ACAD11: variants seen among roughly 807,000 people sequenced by gnomAD.
The protein encoded by ACAD11 is acyl-Coenzyme A dehydrogenase family, member 11.
A neutral mutation model predicts 102.2 loss-of-function variants in ACAD11; 83 were observed. The ratio of observed to expected loss-of-function variants is 0.81; its 90% CI spans 0.68 to 0.97. The LOEUF is 0.97. ACAD11 is among the 50% of genes least tolerant of loss of function. ACAD11 has a pLI of 0.00. For missense variants in ACAD11, 901 were observed against 951.7 expected, an observed-to-expected ratio of 0.95 and a Z score of 0.70; for synonymous variants, 324 against 319.8, an observed-to-expected ratio of 1.01 and a Z score of -0.14.
At chr3:132,626,861 A>G (rs1939837397) in intron 8 of ACAD11, 44 bp from the exon 9 acceptor site, 1 of 1,579,150 alleles carries the variant, frequency 6.3e-7, no homozygotes, top group South Asian at 1.2e-5. Flanking sequence ...AAAGATGTCC[A>G]AAGATCATTA....
In ACAD11 at chr3:132,603,276, C is replaced by T. The variant is rs776117943; in HGVS notation, c.1574G>A (p.Arg525Gln). ...GTTAATTACATAGCTATCTTCATCT[C>T]GTTGGATGCTGCATTCAATATTCGT... Reference protein sequence around the residue: ...DATNIECSIQRDEDSYVINGK... With the variant: ...DATNIECSIQQDEDSYVINGK... Residue 525 changes from arginine (R) to glutamine (Q), a missense_variant, in exon 13 of 20, where the codon CGA (arginine) becomes CAA (glutamine). Physicochemically the swap from Arg to Gln is conservative, Grantham distance 43. Coordinates refer to ENST00000264990, the MANE Select transcript of ACAD11 (RefSeq NM_032169.5). The T allele has an allele frequency of 3.2e-5, 51 of 1,613,922 alleles. No individual in the cohort carries two copies. The highest frequency in any genetic ancestry group is 5.3e-5 in the African/African-American group (4 of 74,910).
At chr3:132,582,772 C>T (rs1431967555) in intron 13 of ACAD11, among the ~76,000 whole-genome samples, 1 of 152,044 alleles carries the variant, frequency 6.6e-6, no homozygotes, top group Admixed American at 6.6e-5. Flanking sequence ...ACTCTGTTCA[C>T]CTCCAGGCTG....
Position 132,577,008 on chromosome 3 carries a change from A to T in ACAD11, c.1782T>A (p.Phe594Leu), listed in dbSNP as rs1384960502. ...AATGGATCTCAAAATGTCCTCCATG[A>T]AAATTATCTATAAAATAGAAAATAA... ...PLSVFGYTDN[F>L]HGGHFEIHFN... is the part of the protein sequence containing the mutation. Residue 594 changes from phenylalanine (F) to leucine (L), a missense_variant, in exon 16 of 20, where the codon TTT (phenylalanine) becomes TTA (leucine). Physicochemically the swap from Phe to Leu is conservative, Grantham distance 22. Transcript: ENST00000264990. 1 of 1,599,366 alleles carries T rather than the reference A, an allele frequency of 6.3e-7. No individual in the cohort carries two copies. The highest frequency in any genetic ancestry group is 1.1e-5 in the South Asian group (1 of 90,120).
At chr3:132,600,007 G>T (rs1228724095) in intron 13 of ACAD11, among the ~76,000 whole-genome samples, 1 of 152,096 alleles carries the variant, frequency 6.6e-6, no homozygotes, top group African/African-American at 2.4e-5. Context: ...AATTATGTAT[G>T]TAAAGATTAT....
At chr3:132,616,702 G>C (rs1037950531) in intron 11 of ACAD11, among the ~76,000 whole-genome samples, 2 of 152,072 alleles carry the variant, frequency 1.3e-5, no homozygotes, top group Non-Finnish European at 2.9e-5. Context: ...TAAACAAAAA[G>C]ACTACCCATT....
intron 4 of ACAD11, among the ~76,000 whole-genome samples, chr3:132,641,632 G>A (rs200920408): frequency 0.019 from 2,418 of 126,666 alleles, 94 homozygotes; most frequent in South Asian, 0.044. Flanking sequence ...AAGAAGAGGA[G>A]GAAGAAGAGG....
chr3:132,612,566 G>A (rs1235320575), intron 11 of ACAD11, among the ~76,000 whole-genome samples: 2 of 151,990 alleles, frequency 1.3e-5, no homozygotes, highest in Non-Finnish European at 2.9e-5. Flanking sequence ...GTGGGTGAAC[G>A]ATATGAACAG....
intron 5 of ACAD11, among the ~76,000 whole-genome samples, chr3:132,634,166 G>T (rs1364121731): frequency 6.6e-6 from 1 of 152,034 alleles, no homozygotes; most frequent in Non-Finnish European, 1.5e-5. Context: ...TCTGACAAAG[G>T]GCTAATATCC....
rs1940548960 is a variant in ACAD11 at position 132,642,095 on chromosome 3, G to C, written c.414C>G (p.Ser138Arg). 2 of 1,614,000 alleles carry C rather than the reference G, an allele frequency of 1.2e-6. No individual in the cohort carries two copies. Among genetic ancestry groups the C allele is most frequent in the Non-Finnish European group, 1.7e-6 (2 of 1,179,934 alleles). The change falls in exon 4 of 20, where the codon AGC (serine) becomes AGG (arginine). Residue 138 changes from serine (S) to arginine (R), a missense_variant. By Grantham distance (110) the Ser-to-Arg change is moderately radical. Transcript: ENST00000264990. ...CATATATGGCTGAACGTTCTGCTGG[G>C]CTAAGTCCAGGAATTGTTAAATCAC... is the stretch of plus-strand genomic sequence containing the variant. The part of the protein sequence containing the change: ...IFRDLTIPGL[S>R]PAERSAIYVA...
At chr3:132,629,852 T>C (rs1354747076) in intron 7 of ACAD11, among the ~76,000 whole-genome samples, 15 of 152,184 alleles carry the variant, frequency 9.9e-5, no homozygotes, top group African/African-American at 3.4e-4. Flanking sequence ...TGGATTAGTA[T>C]AAAGAAGAAG....
chr3:132,659,502 CAATCAGGGT>C, intron 1 of ACAD11, 92 bp downstream of exon 1: 1 of 1,536,036 alleles, frequency 6.5e-7, no homozygotes, highest in East Asian at 2.3e-5. Context: ...GCAGGAAAAG[CAATCAGGGT>C]GGGAGAAACT....
At chr3:132,606,483 C>G (rs1938842544) in intron 11 of ACAD11, among the ~76,000 whole-genome samples, 1 of 152,084 alleles carries the variant, frequency 6.6e-6, no homozygotes, top group South Asian at 2.1e-4. Flanking sequence ...GAAAAGCTCA[C>G]AAAGTTATCA....
intron 8 of ACAD11, 49 bp downstream of exon 8, chr3:132,628,291 C>T (rs1939902461): frequency 1.5e-6 from 2 of 1,340,038 alleles, no homozygotes; most frequent in South Asian, 1.2e-5. Flanking sequence ...CCTTCACATA[C>T]CCAATAAAGG....
chr3:132,594,014 C>T (rs1938195037), intron 13 of ACAD11, among the ~76,000 whole-genome samples: 1 of 152,094 alleles, frequency 6.6e-6, no homozygotes, highest in Non-Finnish European at 1.5e-5. Flanking sequence ...CACTGTCTCT[C>T]CTAGTTCTAT....
chr3:132,582,497 G>A (rs1045720935), intron 13 of ACAD11, among the ~76,000 whole-genome samples: 1 of 151,828 alleles, frequency 6.6e-6, no homozygotes. Context: ...ACAAATCTGT[G>A]GATTCCCAAG....
chr3:132,562,431 G>T (rs917580152), intron 17 of ACAD11, among the ~76,000 whole-genome samples: 5 of 152,206 alleles, frequency 3.3e-5, no homozygotes, highest in African/African-American at 1.2e-4. Context: ...TTTGTATACG[G>T]GTTTTTGTGT....
chr3:132,592,662 C>A (rs1938128350), intron 13 of ACAD11, among the ~76,000 whole-genome samples: 1 of 152,112 alleles, frequency 6.6e-6, no homozygotes, highest in Non-Finnish European at 1.5e-5. Context: ...GCATAGATAG[C>A]CATCCACAAA....
intron 1 of ACAD11, 162 bp downstream of exon 1, chr3:132,659,441 T>A: frequency 1.0e-6 from 1 of 978,068 alleles, no homozygotes; most frequent in Non-Finnish European, 1.5e-6. Flanking sequence ...CAGCATCGAA[T>A]TCGGAGGGCC....
At chr3:132,657,713 A>G (rs1003454098) in intron 1 of ACAD11, among the ~76,000 whole-genome samples, 8 of 152,186 alleles carry the variant, frequency 5.3e-5, no homozygotes, top group African/African-American at 1.9e-4. Context: ...GCTAAAGTAG[A>G]GAAATGCAGT....
Sources: allele counts gnomAD v4.1 joint callset (sites outside exome capture counted in the v4.1 genomes callset), GRCh38; gene constraint gnomAD v4.1.1; transcripts MANE v1.5; gene names NCBI Gene and HGNC (gene_info 2026-07-23, HGNC 2026-07-21).